Variants in NECAB1 observed in about 807,000 individuals in gnomAD.
NECAB1 encodes N-terminal EF-hand calcium-binding protein 1.
NECAB1 carries 29 observed loss-of-function variants against 57.5 expected under a neutral mutation model. The observed-to-expected ratio is 0.50, with a 90% CI of 0.38 to 0.69. NECAB1 has a LOEUF of 0.69. Ranked by LOEUF, NECAB1 falls within the 30% of genes least tolerant of loss-of-function variation. The probability of loss-of-function intolerance (pLI) is 0.00; values close to 1 mark genes in which losing one functional copy is unlikely to be tolerated. For synonymous variants in NECAB1, 142 were observed against 147.7 expected (o/e 0.96, Z 0.28); for missense variants, 372 against 413.8 (o/e 0.90, Z 0.88).
rs979727532 is a variant in NECAB1 at position 90,862,047 on chromosome 8, G to A, written c.234-10081G>A. On this transcript the variant is annotated intron_variant, in intron 3 of 12. Transcript: ENST00000417640. ...TATCAGATACTTTTCAATTAGTTTG[G>A]AAGTGACCTGTTTTAACAGTTATAT... Among the ~76,000 whole-genome samples, 6 of 152,118 alleles carry A rather than the reference G, an allele frequency of 3.9e-5. No individual in the cohort carries two copies. The East Asian group carries it at 1.2e-3, about 29-fold the overall frequency.
chr8:90,897,254 A>C (rs2129996668), intron 5 of NECAB1, among the ~76,000 whole-genome samples: 1 of 152,324 alleles, frequency 6.6e-6, no homozygotes, highest in East Asian at 1.9e-4. Flanking sequence ...TCCAAAATCC[A>C]AAAGCTTCTG....
At chr8:90,865,698 G>C (rs1277256830) in intron 3 of NECAB1, among the ~76,000 whole-genome samples, 1 of 152,126 alleles carries the variant, frequency 6.6e-6, no homozygotes, top group Non-Finnish European at 1.5e-5. Flanking sequence ...CAATATCCTT[G>C]TTCCTCTAGA....
At chr8:90,947,081 C>G (rs192700943) in intron 10 of NECAB1, among the ~76,000 whole-genome samples, 2 of 152,032 alleles carry the variant, frequency 1.3e-5, no homozygotes, top group African/African-American at 2.4e-5. Flanking sequence ...GAAATCATCA[C>G]CACCACCACC....
intron 8 of NECAB1, among the ~76,000 whole-genome samples, chr8:90,928,545 A>G (rs1218804487): frequency 6.6e-6 from 1 of 152,186 alleles, no homozygotes; most frequent in Admixed American, 6.5e-5. Context: ...TGGAGTTGAG[A>G]GTTAAATAAA....
intron 2 of NECAB1, among the ~76,000 whole-genome samples, chr8:90,809,808 C>T (rs778132827): frequency 6.6e-6 from 1 of 152,106 alleles, no homozygotes; most frequent in Admixed American, 6.6e-5. Context: ...TTCAAAATCA[C>T]ACCTAAGTTG....
chr8:90,812,877 G>C (rs1383715106), intron 2 of NECAB1: 1 of 152,106 alleles, frequency 6.6e-6, no homozygotes, highest in African/African-American at 2.4e-5. Context: ...AAAGTACCTC[G>C]CAAAATAACA....
chr8:90,820,441 T>C (rs1004281282), intron 2 of NECAB1, among the ~76,000 whole-genome samples: 1 of 151,990 alleles, frequency 6.6e-6, no homozygotes, highest in African/African-American at 2.4e-5. Flanking sequence ...AGGATTCCAT[T>C]ATTATTATTG....
chr8:90,860,418 G>A (rs1455885280), intron 3 of NECAB1, among the ~76,000 whole-genome samples: 1 of 151,910 alleles, frequency 6.6e-6, no homozygotes, highest in African/African-American at 2.4e-5. Flanking sequence ...TATTATCCAT[G>A]TCTTCAAGAA....
At chr8:90,826,293 G>A (rs981510605) in intron 3 of NECAB1, among the ~76,000 whole-genome samples, 1 of 151,852 alleles carries the variant, frequency 6.6e-6, no homozygotes, top group Non-Finnish European at 1.5e-5. Flanking sequence ...TTTGCATTCT[G>A]TGTTTGCAAA....
chr8:90,920,455 T>C (rs1456215676), intron 6 of NECAB1, among the ~76,000 whole-genome samples: 1 of 152,100 alleles, frequency 6.6e-6, no homozygotes, highest in African/African-American at 2.4e-5. Flanking sequence ...GAGGAAAAGA[T>C]AGAGAGAGAA....
At chr8:90,873,500 G>T (rs1808657797) in intron 4 of NECAB1, among the ~76,000 whole-genome samples, 1 of 152,236 alleles carries the variant, frequency 6.6e-6, no homozygotes, top group African/African-American at 2.4e-5. Flanking sequence ...GGTCAGTGAA[G>T]TGAAAAGATA....
intron 1 of NECAB1, among the ~76,000 whole-genome samples, chr8:90,794,845 G>T (rs1021023033): frequency 4.1e-4 from 62 of 152,188 alleles, no homozygotes; most frequent in African/African-American, 1.4e-3. Context: ...CTGATGCAGG[G>T]ACTATTTCTT....
At chr8:90,835,895 T>A (rs1812364170) in intron 3 of NECAB1, among the ~76,000 whole-genome samples, 2 of 152,184 alleles carry the variant, frequency 1.3e-5, no homozygotes, top group Admixed American at 6.5e-5. Context: ...ACTTTTAGAG[T>A]CTAGACCCTG....
intron 12 of NECAB1, among the ~76,000 whole-genome samples, chr8:90,955,112 T>TTAATTATATATATATATATATATA (rs1234665098): frequency 4.2e-5 from 3 of 70,808 alleles, no homozygotes; most frequent in African/African-American, 1.4e-4. Context: ...GGTATATAAA[T>TTAATTATATATATATATATATATA]TATATATATA....
In NECAB1 at chr8:90,917,511, A is replaced by G. The variant is rs200226630; in HGVS notation, c.377A>G (p.Asn126Ser). The G allele has an allele frequency of 5.0e-5, 80 of 1,610,148 alleles. No individual in the cohort carries two copies. The highest frequency in any genetic ancestry group is 6.7e-5 in the African/African-American group (5 of 74,744). Residue 126 changes from asparagine to serine, a missense_variant, in exon 6 of 13, where the codon AAT (asparagine) becomes AGT (serine). Physicochemically the swap from Asn to Ser is conservative, Grantham distance 46. Coordinates refer to ENST00000417640, the MANE Select transcript of NECAB1 (RefSeq NM_022351.5). The part of the protein sequence containing the change: ...KTKKDYQEAS[N>S]LEQFVTRFLL... ...CCTTAGGACTACCAAGAAGCCTCCA[A>G]TTTGGAACAATTCGTAACTAGATTT...
chr8:90,853,081 G>A (rs1812716549), intron 3 of NECAB1, among the ~76,000 whole-genome samples: 3 of 152,226 alleles, frequency 2.0e-5, no homozygotes, highest in South Asian at 4.1e-4. Flanking sequence ...CAGCCCCCTT[G>A]AGGCTGCCAT....
chr8:90,815,684 A>G (rs1717116171), intron 2 of NECAB1, among the ~76,000 whole-genome samples: 1 of 152,036 alleles, frequency 6.6e-6, no homozygotes, highest in South Asian at 2.1e-4. Context: ...TCAGTTAGCA[A>G]TATGGATTTA....
chr8:90,828,957 T>A (rs902178349), intron 3 of NECAB1, among the ~76,000 whole-genome samples: 1 of 152,062 alleles, frequency 6.6e-6, no homozygotes, highest in Non-Finnish European at 1.5e-5. Context: ...TATAAAACTT[T>A]CATAATTTCC....
At position 90,957,877 on chromosome 8, in the gene NECAB1, A is replaced by G. The variant is rs775738822; in HGVS notation, c.*2365A>G. ...AAAAATAAAAAAAAGAGGTCACTAAAAGACCAAGATGGGAAACGTAACATG... is the reference window on the plus strand; with the variant it reads ...AAAAATAAAAAAAAGAGGTCACTAAGAGACCAAGATGGGAAACGTAACATG... On this transcript the variant is annotated 3_prime_UTR_variant, in exon 13 of 13. Coordinates refer to ENST00000417640, the MANE Select transcript of NECAB1 (RefSeq NM_022351.5). 2.4e-4 allele frequency: 36 copies of G among 151,254 alleles called. 1 individual carries two copies. The highest frequency in any genetic ancestry group is 6.8e-3 in the Middle Eastern group (2 of 294). The allele number at this position is 151,254 out of a possible 1,614,324, so 9.4% of individuals were successfully genotyped here. A position where few individuals can be genotyped will look rare whatever the true frequency, so the allele number is the denominator to read the frequency against.
Sources: allele counts gnomAD v4.1 joint callset (sites outside exome capture counted in the v4.1 genomes callset), GRCh38; gene constraint gnomAD v4.1.1; transcripts MANE v1.5; gene names NCBI Gene and HGNC (gene_info 2026-07-23, HGNC 2026-07-21).